Variants in FDX2 observed in about 807,000 individuals in gnomAD.
The protein encoded by FDX2 is ferredoxin 2.
A neutral mutation model predicts 18.5 loss-of-function variants in FDX2; 13 were observed. That is an observed-to-expected ratio of 0.70 (90% CI 0.46 to 1.12). The LOEUF (loss-of-function observed/expected upper bound fraction) is 1.12. FDX2 is among the 50% of genes most tolerant of loss of function. The probability of loss-of-function intolerance (pLI) is 0.00; values close to 1 mark genes in which losing one functional copy is unlikely to be tolerated. For synonymous variants in FDX2, 132 were observed against 106.2 expected, an observed-to-expected ratio of 1.24 and a Z score of -1.49; for missense variants, 238 against 250.4, an observed-to-expected ratio of 0.95 and a Z score of 0.34.
intron 3 of FDX2, among the ~76,000 whole-genome samples, chr19:10,313,741 G>A (rs2040349612): frequency 7.9e-6 from 1 of 126,152 alleles, no homozygotes; most frequent in South Asian, 2.6e-4. Flanking sequence ...CTGGAGTGCA[G>A]TGGCGTGATC....
chr19:10,315,877 C>T lies in FDX2; in HGVS notation c.129G>A (p.Gly43=), dbSNP rs369440843. 3.7e-6 allele frequency: 6 copies of T among 1,600,880 alleles called. No homozygotes were observed. In the African/African-American group the frequency reaches 5.4e-5, roughly 14 times the overall value. ...CTGTCGCTTGAAACTTTCTGGTTGT[C>T]CCCAGCGCCACCCCCTCCCCCGACC... Residue 43 remains glycine (G), a synonymous_variant, in exon 1 of 5, where the codon GGG becomes GGA. Coordinates refer to ENST00000393708, the MANE Select transcript of FDX2 (RefSeq NM_001031734.4).
intron 3 of FDX2, among the ~76,000 whole-genome samples, chr19:10,312,144 A>G (rs1204061758): frequency 1.4e-5 from 2 of 145,230 alleles, no homozygotes; most frequent in Non-Finnish European, 3.0e-5. Flanking sequence ...TGCTGGGATT[A>G]CAGGTGTGAG....
At chr19:10,314,068 C>T (rs1009920523) in intron 3 of FDX2, among the ~76,000 whole-genome samples, 2 of 151,486 alleles carry the variant, frequency 1.3e-5, no homozygotes, top group Non-Finnish European at 2.9e-5. Flanking sequence ...ACTGCAACCT[C>T]TGCCTCCCAA....
In FDX2 at chr19:10,310,494, G is replaced by GC. The variant is rs1568306114; in HGVS notation, c.552dup (p.Pro185AlafsTer5). ...TGGTCCAGGTGTTCATGTCAGTGGG[G>GC]CTTGGGGACATGGCCATCCACGTAG... On this transcript the variant is annotated frameshift_variant, in exon 5 of 5. Transcript: ENST00000393708. LOFTEE classifies it high-confidence loss of function. 1 of 1,614,206 alleles carries GC rather than the reference G, an allele frequency of 6.2e-7. No individual in the cohort carries two copies. Among genetic ancestry groups the GC allele is most frequent in the Non-Finnish European group, 8.5e-7 (1 of 1,180,036 alleles).
At chr19:10,310,703 A>G in intron 4 of FDX2, 61 bp from the exon 5 acceptor site, 1 of 515,280 alleles carries the variant, frequency 1.9e-6, no homozygotes, top group Non-Finnish European at 2.9e-6. Flanking sequence ...GTGGGGGGCC[A>G]GAGGTGGGGG....
At chr19:10,312,784 G>A (rs1177513537) in intron 3 of FDX2, among the ~76,000 whole-genome samples, 5 of 151,842 alleles carry the variant, frequency 3.3e-5, no homozygotes, top group African/African-American at 7.2e-5. Flanking sequence ...TGATCCGCTC[G>A]CCTCAGCCTC....
chr19:10,311,089 T>C (rs537804620), intron 3 of FDX2, 149 bp from the exon 4 acceptor site: 1 of 609,808 alleles, frequency 1.6e-6, no homozygotes, highest in South Asian at 2.0e-5. Context: ...TACCAGGCAC[T>C]GTGTCATGTC....
rs374084891 is a variant in FDX2 at position 10,315,318 on chromosome 19, G to GTTTTTTT, written c.316+67_316+68insAAAAAAA. On this transcript the variant is annotated intron_variant, in intron 3 of 4. Coordinates refer to ENST00000393708, the MANE Select transcript of FDX2 (RefSeq NM_001031734.4). ...CGTGAAGAGACACACCTAATTTGTG[G>GTTTTTTT]GTTTTTTTTTTTTTTTTTTTGGACA... is the stretch of plus-strand genomic sequence containing the variant. The GTTTTTTT allele has an allele frequency of 7.7e-5, 33 of 428,576 alleles. 7 individuals are homozygous for GTTTTTTT. The highest frequency in any genetic ancestry group is 2.3e-4 in the South Asian group (7 of 29,942). The allele number at this position is 428,576 out of a possible 1,614,324, so 26.5% of individuals were successfully genotyped here. A position where few individuals can be genotyped will look rare whatever the true frequency, so the allele number is the denominator to read the frequency against.
intron 3 of FDX2, 43 bp from the exon 4 acceptor site, chr19:10,310,983 C>A: frequency 6.9e-7 from 1 of 1,440,346 alleles, no homozygotes; most frequent in Non-Finnish European, 9.6e-7. Flanking sequence ...GTGGCAGAGT[C>A]AGGAAGGGGC....
intron 3 of FDX2, 131 bp downstream of exon 3, chr19:10,315,255 G>C (rs2040367005): frequency 1.5e-6 from 1 of 681,252 alleles, no homozygotes; most frequent in Non-Finnish European, 2.4e-6. Flanking sequence ...GCCATGGTGA[G>C]GGGTTTGGAT....
chr19:10,312,427 C>T (rs2040334092), intron 3 of FDX2, among the ~76,000 whole-genome samples: 1 of 152,136 alleles, frequency 6.6e-6, no homozygotes, highest in Non-Finnish European at 1.5e-5. Flanking sequence ...TCATGTCCCT[C>T]CTGGCCTAAA....
At chr19:10,315,189 G>A in intron 3 of FDX2, 197 bp downstream of exon 3, 1 of 540,362 alleles carries the variant, frequency 1.9e-6, no homozygotes, top group Non-Finnish European at 3.3e-6. Flanking sequence ...TGGGAGCCAG[G>A]AGTCCTAGTG....
chr19:10,315,524 T>C (rs2040373099), intron 2 of FDX2, 32 bp from the exon 3 acceptor site: 1 of 1,605,182 alleles, frequency 6.2e-7, no homozygotes, highest in Non-Finnish European at 8.5e-7. Flanking sequence ...AATGCCGAAC[T>C]GGATGATGGG....
chr19:10,315,239 G>C, intron 3 of FDX2, 147 bp downstream of exon 3: 1 of 625,116 alleles, frequency 1.6e-6, no homozygotes, highest in East Asian at 2.8e-5. Context: ...CTTGGCAACA[G>C]ATGAGGCCAT....
chr19:10,310,178 C>A lies in FDX2; in HGVS notation c.*308G>T, dbSNP rs1249869356. On this transcript the variant is annotated 3_prime_UTR_variant, in exon 5 of 5. Transcript: ENST00000393708. ...TTACAGGTGTGAGCCACCTGTAGAC[C>A]CCAGATCTGTCCCCCAAGGACACTC... 1.3e-5 allele frequency: 5 copies of A among 392,600 alleles called. No individual in the cohort carries two copies. Among genetic ancestry groups the A allele is most frequent in the Non-Finnish European group, 1.4e-5 (3 of 212,158 alleles). The allele number at this position is 392,600 out of a possible 1,614,324, so 24.3% of individuals were successfully genotyped here.
At position 10,310,308 on chromosome 19, in the gene FDX2, G is replaced by A. The variant is rs2040309608; in HGVS notation, c.*178C>T. On this transcript the variant is annotated 3_prime_UTR_variant, in exon 5 of 5. Coordinates refer to ENST00000393708, the MANE Select transcript of FDX2 (RefSeq NM_001031734.4). ...CCTGGGGAAGGCCACCCCACTAGGG[G>A]CCCTGTCCCCACCAGAGCCTGGACA... 1.1e-6 allele frequency: 1 copy of A among 884,564 alleles called. No homozygotes were observed. The highest frequency in any genetic ancestry group is 2.8e-5 in the Admixed American group (1 of 36,348). 54.8% of individuals were successfully genotyped at this position (884,564 alleles called of 1,614,324 possible). A position where few individuals can be genotyped will look rare whatever the true frequency, so the allele number is the denominator to read the frequency against.
chr19:10,315,987 A>AGGCGGCCATGAC lies in FDX2; in HGVS notation c.7_18dup (p.Val3_Ala6dup). On this transcript the variant is annotated inframe_insertion, in exon 1 of 5. Coordinates refer to ENST00000393708, the MANE Select transcript of FDX2 (RefSeq NM_001031734.4). ...GCACTCACGCCTCCCCGGGCCATGGAGGCGGCCATGACATGCATCACGTGA... is the reference window on the plus strand; with the variant it reads ...GCACTCACGCCTCCCCGGGCCATGGAGGCGGCCATGACGGCGGCCATGACATGCATCACGTGA... 6.2e-7 allele frequency: 1 copy of AGGCGGCCATGAC among 1,604,588 alleles called. No individual in the cohort carries two copies. The highest frequency in any genetic ancestry group is 8.5e-7 in the Non-Finnish European group (1 of 1,177,628).
intron 3 of FDX2, among the ~76,000 whole-genome samples, chr19:10,314,182 CCA>C (rs954228720): frequency 2.0e-4 from 31 of 151,966 alleles, no homozygotes; most frequent in African/African-American, 7.0e-4. Context: ...CAGGGTTTCG[CCA>C]TGTTGGCCAG....
chr19:10,310,959 G>GGGGGC lies in FDX2; in HGVS notation c.317-24_317-20dup. 1 of 1,587,292 alleles carries GGGGGC rather than the reference G, an allele frequency of 6.3e-7. No homozygotes were observed. The highest frequency in any genetic ancestry group is 8.6e-7 in the Non-Finnish European group (1 of 1,161,108). On this transcript the variant is annotated intron_variant, in intron 3 of 4. Coordinates refer to ENST00000393708, the MANE Select transcript of FDX2 (RefSeq NM_001031734.4). The stretch of plus-strand genomic sequence containing the variant: ...CAGGCCCCTAGGGGTGGGAAGTGAA[G>GGGGGC]GGGGCGCAGGTGAGTGGCAGAGTCA...
Sources: gnomAD v4.1 joint callset for allele counts (sites outside exome capture counted in the v4.1 genomes callset) on GRCh38, gnomAD v4.1.1 for gene constraint, MANE v1.5 for transcripts, NCBI Gene and HGNC (gene_info 2026-07-23, HGNC 2026-07-21) for gene names.